Variants in SLC38A10 observed in about 807,000 individuals in gnomAD.
SLC38A10 encodes the protein solute carrier family 38 member 10.
SLC38A10 carries 53 observed loss-of-function variants against 81.0 expected under a neutral mutation model. The ratio of observed to expected loss-of-function variants is 0.65; its 90% CI spans 0.53 to 0.82. The LOEUF (loss-of-function observed/expected upper bound fraction) is 0.82, where lower values mean the gene tolerates loss of function less well. Ranked by LOEUF, SLC38A10 falls within the 40% of genes least tolerant of loss-of-function variation. The pLI, the probability that SLC38A10 is intolerant of heterozygous loss-of-function variation, is 0.00. For synonymous variants in SLC38A10, 665 were observed against 655.3 expected (o/e 1.01, Z -0.23); for missense variants, 1,471 against 1,545.0 (o/e 0.95, Z 0.80).
At chr17:81,263,514 G>C (rs947800134) in intron 10 of SLC38A10, 1 of 152,374 alleles carries the variant, frequency 6.6e-6, no homozygotes, top group East Asian at 1.9e-4. Context: ...ACCCCTGCCG[G>C]CTGGAAGGCT....
At chr17:81,269,525 A>C (rs1425347167) in intron 10 of SLC38A10, among the ~76,000 whole-genome samples, 1 of 152,160 alleles carries the variant, frequency 6.6e-6, no homozygotes, top group African/African-American at 2.4e-5. Flanking sequence ...ACACTGTAAG[A>C]ATCTATTTAC....
In SLC38A10 at chr17:81,249,677, T is replaced by C. The variant is rs568413824; in HGVS notation, c.2065+1816A>G. On this transcript the variant is annotated intron_variant, in intron 14 of 15. Transcript: ENST00000374759. Reference sequence around the variant, plus strand: ...CCCACCAAGACCACGGGGACTGGGCTGCAGAAGGCACGAAGCCACCCACCT... The same window carrying C: ...CCCACCAAGACCACGGGGACTGGGCCGCAGAAGGCACGAAGCCACCCACCT... Among the ~76,000 whole-genome samples, 36 of 151,838 alleles carry C rather than the reference T, an allele frequency of 2.4e-4. No homozygotes were observed. The East Asian group carries it at 7.0e-3, about 29-fold the overall frequency.
intron 14 of SLC38A10, among the ~76,000 whole-genome samples, chr17:81,250,608 A>G (rs2062901533): frequency 6.6e-6 from 1 of 152,220 alleles, no homozygotes; most frequent in Non-Finnish European, 1.5e-5. Flanking sequence ...CTCAATGCTG[A>G]GGCACACGTG....
chr17:81,291,828 C>T (rs774891827), intron 1 of SLC38A10, among the ~76,000 whole-genome samples: 7 of 152,172 alleles, frequency 4.6e-5, no homozygotes, highest in East Asian at 1.9e-4. Context: ...GACACCAGAA[C>T]GCAAGCCAGA....
rs1291770777 is a variant in SLC38A10, at chr17:81,286,789, G to A, written c.218-1894C>T. Among the ~76,000 whole-genome samples the A allele has an allele frequency of 6.6e-6, 1 of 152,188 alleles. No individual in the cohort carries two copies. The highest frequency in any genetic ancestry group is 1.5e-5 in the Non-Finnish European group (1 of 68,036). On this transcript the variant is annotated intron_variant, in intron 2 of 15. Transcript: ENST00000374759. This position sits in a 1 kb window ranked among gnomAD's most constrained non-coding sequence, Gnocchi z 6.0. ...TGGACCACCCAACGAAAGGACGCGG[G>A]CAGCACTCCTGACACCGCTGCTCAC... is the stretch of plus-strand genomic sequence containing the variant.
At chr17:81,275,455 C>T (rs1048099213) in intron 8 of SLC38A10, among the ~76,000 whole-genome samples, 4 of 149,822 alleles carry the variant, frequency 2.7e-5, no homozygotes, top group African/African-American at 7.4e-5. Context: ...TGCAGTGGGC[C>T]GGGCGCGGTG....
intron 1 of SLC38A10, among the ~76,000 whole-genome samples, chr17:81,291,050 C>T (rs925774206): frequency 6.6e-6 from 1 of 152,092 alleles, no homozygotes; most frequent in African/African-American, 2.4e-5. Context: ...TCCACTACCT[C>T]CATCGAGGTG....
Position 81,276,881 on chromosome 17 carries a change from C to G in SLC38A10, c.729+150G>C. On this transcript the variant is annotated intron_variant, in intron 7 of 15. Transcript: ENST00000374759. This position sits in a 1 kb window ranked among gnomAD's most constrained non-coding sequence, Gnocchi z 4.7. ...AAGCTGATGGAGCTGCCCCAGGTCC[C>G]CGCGCAGCCTCCAGACACTGGGATG... 1 of 714,968 alleles carries G rather than the reference C, an allele frequency of 1.4e-6. No individual in the cohort carries two copies. Among genetic ancestry groups the G allele is most frequent in the Non-Finnish European group, 2.4e-6 (1 of 422,268 alleles). 44.3% of individuals were successfully genotyped at this position (714,968 alleles called of 1,614,324 possible).
intron 1 of SLC38A10, among the ~76,000 whole-genome samples, chr17:81,292,347 G>C (rs1293038533): frequency 2.6e-5 from 4 of 151,826 alleles, no homozygotes; most frequent in Non-Finnish European, 5.9e-5. Flanking sequence ...GGCTGGTCTT[G>C]AACTCCTGAC....
intron 4 of SLC38A10, among the ~76,000 whole-genome samples, chr17:81,282,806 A>G (rs1369074321): frequency 6.6e-6 from 1 of 152,232 alleles, no homozygotes; most frequent in Non-Finnish European, 1.5e-5. Flanking sequence ...GTCTCTGACA[A>G]GGAGCGAATC....
In SLC38A10 at chr17:81,283,502, G is replaced by T; in HGVS notation, c.264C>A (p.Ser88Arg). 3 of 1,608,360 alleles carry T rather than the reference G, an allele frequency of 1.9e-6. No homozygotes were observed. Among genetic ancestry groups the T allele is most frequent in the Non-Finnish European group, 2.5e-6 (3 of 1,177,458 alleles). The change falls in exon 4 of 16, where the codon AGC becomes AGA. Residue 88 changes from serine to arginine, a missense_variant and splice_region_variant. Coordinates refer to ENST00000374759, the MANE Select transcript of SLC38A10 (RefSeq NM_001037984.3). This position sits in a 1 kb window ranked among gnomAD's most constrained non-coding sequence, Gnocchi z 4.7. ...AGGTGCCCAGCATCAGCCCGATCAT[G>T]CTGCACAGGGACGGGGGGTACGGGA... ...GKAGKMLVET[S>R]MIGLMLGTCI...
chr17:81,282,457 G>A (rs11872038), intron 4 of SLC38A10, 125 bp from the exon 5 acceptor site: 58,710 of 1,350,624 alleles, frequency 0.043, 2,029 homozygotes, highest in African/African-American at 0.16. Context: ...GAATGACGCC[G>A]GCGGGTCTGA....
At position 81,289,866 on chromosome 17, in the gene SLC38A10, C is replaced by A; in HGVS notation, c.100-58G>T. The A allele has an allele frequency of 7.2e-7, 1 of 1,392,624 alleles. No individual in the cohort carries two copies. The highest frequency in any genetic ancestry group is 1.3e-5 in the South Asian group (1 of 74,570). 86.3% of individuals were successfully genotyped at this position (1,392,624 alleles called of 1,614,324 possible). A position where few individuals can be genotyped will look rare whatever the true frequency, so the allele number is the denominator to read the frequency against. On this transcript the variant is annotated intron_variant, in intron 1 of 15. Coordinates refer to ENST00000374759, the MANE Select transcript of SLC38A10 (RefSeq NM_001037984.3). The surrounding 1 kb of genome is among the most constrained non-coding windows in gnomAD (Gnocchi z 5.9). ...GCAGCAGGTGCTCCCCAGAGGCCCT[C>A]ACCCCACACACGCGGCTCATGAGGA...
At position 81,289,645 on chromosome 17, in the gene SLC38A10, G is replaced by T. The variant is rs1042066920; in HGVS notation, c.217+46C>A. On this transcript the variant is annotated intron_variant, in intron 2 of 15. Coordinates refer to ENST00000374759, the MANE Select transcript of SLC38A10 (RefSeq NM_001037984.3). This position sits in a 1 kb window ranked among gnomAD's most constrained non-coding sequence, Gnocchi z 5.9. The stretch of plus-strand genomic sequence containing the variant: ...TAAATAAATAAATAAATGGAATAAG[G>T]CCCCCGCCCCAGGTCCAGAGCCACC... The T allele has an allele frequency of 6.8e-6, 9 of 1,319,150 alleles. No homozygotes were observed. Among genetic ancestry groups the T allele is most frequent in the Middle Eastern group, 2.4e-4 (1 of 4,204 alleles). The allele number at this position is 1,319,150 out of a possible 1,614,324, so 81.7% of individuals were successfully genotyped here. A position where few individuals can be genotyped will look rare whatever the true frequency, so the allele number is the denominator to read the frequency against.
Position 81,276,115 on chromosome 17 carries a change from T to G in SLC38A10, c.766A>C (p.Thr256Pro). 6.2e-7 allele frequency: 1 copy of G among 1,613,594 alleles called. No individual in the cohort carries two copies. The highest frequency in any genetic ancestry group is 1.1e-5 in the South Asian group (1 of 91,070). ...FFGYVSFTEA[T>P]AGNVLMHFPS... is the part of the protein sequence containing the mutation. ...AAGTGCATGAGCACGTTGCCGGCCG[T>G]GGCCTCGGTGAAGCTGACGTAGCCG... Residue 256 changes from threonine (T) to proline (P), a missense_variant, in exon 8 of 16, where the codon ACG becomes CCG. By Grantham distance (38) the Thr-to-Pro change is conservative. This residue lies in a region of SLC38A10 where 720 missense variants were observed against 827.7 expected (regional missense o/e 0.87). Coordinates refer to ENST00000374759, the MANE Select transcript of SLC38A10 (RefSeq NM_001037984.3). This position sits in a 1 kb window ranked among gnomAD's most constrained non-coding sequence, Gnocchi z 4.7.
rs1180253699 is a variant in SLC38A10 at position 81,281,306 on chromosome 17, T to C, written c.502-573A>G. ...CCAGGTTCCAGCCACTCAGGAAGGG[T>C]CATTTCTGACCTTGCCAGGGAACAG... On this transcript the variant is annotated intron_variant, in intron 5 of 15. Transcript: ENST00000374759. This position sits in a 1 kb window ranked among gnomAD's most constrained non-coding sequence, Gnocchi z 5.3. Among the ~76,000 whole-genome samples, 2 of 151,764 alleles carry C rather than the reference T, an allele frequency of 1.3e-5. No homozygotes were observed. Among genetic ancestry groups the C allele is most frequent in the Non-Finnish European group, 2.9e-5 (2 of 67,950 alleles).
Position 81,295,131 on chromosome 17 carries a change from CG to C in SLC38A10, c.-211del. On this transcript the variant is annotated 5_prime_UTR_variant, in exon 1 of 16. Coordinates refer to ENST00000374759, the MANE Select transcript of SLC38A10 (RefSeq NM_001037984.3). ...AGGAGGCAGCCTCGAAGGCCGGCTGCGGGGGCGAGGTCAACCTCCGGACCCC... is the reference window on the plus strand; with the variant it reads ...AGGAGGCAGCCTCGAAGGCCGGCTGCGGGGCGAGGTCAACCTCCGGACCCC... 1.2e-6 allele frequency: 1 copy of C among 860,118 alleles called. No individual in the cohort carries two copies. Among genetic ancestry groups the C allele is most frequent in the East Asian group, 4.8e-5 (1 of 20,750 alleles). The allele number at this position is 860,118 out of a possible 1,614,324, so 53.3% of individuals were successfully genotyped here. A position where few individuals can be genotyped will look rare whatever the true frequency, so the allele number is the denominator to read the frequency against.
Position 81,246,269 on chromosome 17 carries a change from G to C in SLC38A10, c.2647C>G (p.Gln883Glu). 1 of 1,612,580 alleles carries C rather than the reference G, an allele frequency of 6.2e-7. No individual in the cohort carries two copies. Among genetic ancestry groups the C allele is most frequent in the Non-Finnish European group, 8.5e-7 (1 of 1,179,942 alleles). Residue 883 changes from glutamine to glutamate, a missense_variant, in exon 16 of 16, where the codon CAG becomes GAG. Around this residue, in one of 2 missense-constraint regions of SLC38A10, gnomAD observed 751 missense variants for 717.4 expected, o/e 1.05. Coordinates refer to ENST00000374759, the MANE Select transcript of SLC38A10 (RefSeq NM_001037984.3). ...RLAEEFPGQSQDVTGGSQDRK... is the reference protein window; with the variant it reads ...RLAEEFPGQSEDVTGGSQDRK... ...TCTTGGGAACCGCCAGTAACGTCCT[G>C]ACTTTGCCCAGGGAATTCCTCTGCG...
At chr17:81,250,963 A>G in intron 14 of SLC38A10, 5 of 1,310,034 alleles carry the variant, frequency 3.8e-6, no homozygotes, top group Non-Finnish European at 4.8e-6. Context: ...CTGTAGATGA[A>G]CACAGCCGAG....
Sources: allele counts gnomAD v4.1 joint callset (sites outside exome capture counted in the v4.1 genomes callset), GRCh38; gene constraint gnomAD v4.1.1; regional missense constraint gnomAD v4.1.1; non-coding constraint Gnocchi (gnomAD v3.1); transcripts MANE v1.5; gene names NCBI Gene and HGNC (gene_info 2026-07-23, HGNC 2026-07-21).